The following MAGI2 variants were observed in gnomAD, a reference collection of about 807,000 sequenced individuals.
MAGI2 encodes the protein membrane-associated guanylate kinase, WW and PDZ domain-containing protein 2.
In MAGI2, 35 loss-of-function variants were observed where a neutral mutation model predicts 133.3. The ratio of observed to expected loss-of-function variants is 0.26; its 90% CI spans 0.20 to 0.35. MAGI2 has a LOEUF of 0.35. MAGI2 is among the 10% of genes least tolerant of loss of function. MAGI2 has a pLI of 1.00. For missense variants in MAGI2, 1,636 were observed against 1,863.4 expected (o/e 0.88, Z 2.25); for synonymous variants, 729 against 710.6 (o/e 1.03, Z -0.41).
chr7:78,939,335 T>C (rs1800790509), intron 2 of MAGI2, among the ~76,000 whole-genome samples: 1 of 152,182 alleles, frequency 6.6e-6, no homozygotes, highest in East Asian at 1.9e-4. Flanking sequence ...AAGTCTTCTT[T>C]GGAAGAGGTG....
chr7:78,682,182 C>T (rs1815744243), intron 2 of MAGI2, among the ~76,000 whole-genome samples: 1 of 152,024 alleles, frequency 6.6e-6, no homozygotes, highest in Non-Finnish European at 1.5e-5. Flanking sequence ...TCAAGATATA[C>T]ACAAAACTGT....
chr7:78,487,170 TG>T, intron 6 of MAGI2: 2 of 173,086 alleles, frequency 1.2e-5, no homozygotes, highest in East Asian at 3.4e-4. Flanking sequence ...TGCAGCAGGA[TG>T]GGGAAAAAAA....
Position 78,774,899 on chromosome 7 carries a change from T to C in MAGI2, c.419-147660A>G, listed in dbSNP as rs79636037. 3.3e-4 allele frequency among the ~76,000 whole-genome samples: 50 copies of C among 152,284 alleles called. 1 individual carries two copies. In the East Asian group the frequency reaches 9.1e-3, roughly 28 times the overall value. On this transcript the variant is annotated intron_variant, in intron 2 of 21. Coordinates refer to ENST00000354212, the MANE Select transcript of MAGI2 (RefSeq NM_012301.4). Reference sequence around the variant, plus strand: ...AAAAGTCACCGCAGAAGAATAAATATATTTTCATTTACTGCAGATGCTACA... The same window carrying C: ...AAAAGTCACCGCAGAAGAATAAATACATTTTCATTTACTGCAGATGCTACA...
At chr7:79,441,620 A>T (rs1455491625) in intron 1 of MAGI2, among the ~76,000 whole-genome samples, 2 of 152,136 alleles carry the variant, frequency 1.3e-5, no homozygotes, top group East Asian at 3.9e-4. Context: ...TATGTACTCC[A>T]TAATGAATCT....
intron 2 of MAGI2, among the ~76,000 whole-genome samples, chr7:78,805,821 A>G (rs1186153596): frequency 6.6e-6 from 1 of 152,144 alleles, no homozygotes; most frequent in Non-Finnish European, 1.5e-5. Context: ...GGAGGTCTCC[A>G]GCCAACAGCC....
In MAGI2 at chr7:79,350,697, T is replaced by C. The variant is rs923555512; in HGVS notation, c.301+102323A>G. On this transcript the variant is annotated intron_variant, in intron 1 of 21. Coordinates refer to ENST00000354212, the MANE Select transcript of MAGI2 (RefSeq NM_012301.4). ...AAATAAATTGACGGTAGAATTAAGT[T>C]TGAGGAAGATTCAAGGATATGGATT... Among the ~76,000 whole-genome samples the C allele has an allele frequency of 2.0e-5, 3 of 152,098 alleles. No individual in the cohort carries two copies. The South Asian group carries it at 6.2e-4, about 32-fold the overall frequency.
intron 16 of MAGI2, among the ~76,000 whole-genome samples, chr7:78,152,481 G>A (rs1265508365): frequency 6.6e-6 from 1 of 152,150 alleles, no homozygotes; most frequent in Non-Finnish European, 1.5e-5. Context: ...AGAAAGTGTG[G>A]TCTTTCTTGA....
chr7:78,326,689 C>T (rs550043306), intron 9 of MAGI2, among the ~76,000 whole-genome samples: 77 of 151,212 alleles, frequency 5.1e-4, no homozygotes, highest in African/African-American at 1.7e-3. Context: ...TTACCAATTA[C>T]TACTTTCATT....
chr7:79,081,657 G>A (rs1249071204), intron 1 of MAGI2, among the ~76,000 whole-genome samples: 1 of 152,116 alleles, frequency 6.6e-6, no homozygotes, highest in Non-Finnish European at 1.5e-5. Context: ...CAAGCTAAGA[G>A]TGCAATTAAC....
At chr7:79,094,101 T>C (rs747832106) in intron 1 of MAGI2, among the ~76,000 whole-genome samples, 2 of 152,234 alleles carry the variant, frequency 1.3e-5, no homozygotes, top group Non-Finnish European at 2.9e-5. Flanking sequence ...TGATGAAATT[T>C]GATAGTTCCC....
At chr7:78,655,137 T>A (rs1478172973) in intron 2 of MAGI2, among the ~76,000 whole-genome samples, 1 of 151,776 alleles carries the variant, frequency 6.6e-6, no homozygotes, top group Non-Finnish European at 1.5e-5. Flanking sequence ...AAATTAAAAA[T>A]TTTAAAAAGA....
At chr7:78,624,097 T>C (rs1808053361) in intron 3 of MAGI2, among the ~76,000 whole-genome samples, 1 of 152,172 alleles carries the variant, frequency 6.6e-6, no homozygotes, top group Non-Finnish European at 1.5e-5. Context: ...TTGAGTTTTT[T>C]TCATGTTTGT....
chr7:79,317,006 T>G (rs1345597819), intron 1 of MAGI2, among the ~76,000 whole-genome samples: 1 of 150,076 alleles, frequency 6.7e-6, no homozygotes, highest in South Asian at 2.1e-4. Context: ...GTAGGGTTTT[T>G]TTTTTTCTTT....
rs931277367 is a variant in MAGI2 at position 78,868,814 on chromosome 7, C to A, written c.418+138276G>T. Among the ~76,000 whole-genome samples the A allele has an allele frequency of 1.1e-4, 16 of 151,796 alleles. No homozygotes were observed. In the East Asian group the frequency reaches 3.1e-3, roughly 29 times the overall value. ...TGTCGCCCAGGCTGGAGTGCAGTGG[C>A]GAGATCTCGGCTTACTGCAAGCTCC... On this transcript the variant is annotated intron_variant, in intron 2 of 21. Transcript: ENST00000354212.
intron 6 of MAGI2, among the ~76,000 whole-genome samples, chr7:78,400,861 A>G (rs1222069077): frequency 6.6e-6 from 1 of 152,126 alleles, no homozygotes; most frequent in Non-Finnish European, 1.5e-5. Context: ...GTTTATGTAT[A>G]TTATTTCCTA....
intron 3 of MAGI2, among the ~76,000 whole-genome samples, chr7:78,598,666 G>T (rs1804871439): frequency 6.6e-6 from 1 of 152,184 alleles, no homozygotes; most frequent in Admixed American, 6.5e-5. Flanking sequence ...GGGAGGGGTT[G>T]CTTTGATTTG....
chr7:78,740,939 C>T (rs781243418), intron 2 of MAGI2, among the ~76,000 whole-genome samples: 5 of 152,028 alleles, frequency 3.3e-5, no homozygotes, highest in South Asian at 4.1e-4. Flanking sequence ...AGAATGATGC[C>T]GCCCAATTCA....
chr7:79,023,880 G>A (rs146878606), intron 1 of MAGI2, among the ~76,000 whole-genome samples: 9 of 152,148 alleles, frequency 5.9e-5, no homozygotes, highest in South Asian at 4.1e-4. Context: ...TGGACAGTAC[G>A]AATCAATATT....
chr7:78,131,493 C>T (rs577489920), intron 18 of MAGI2, among the ~76,000 whole-genome samples: 87 of 152,248 alleles, frequency 5.7e-4, no homozygotes, highest in Admixed American at 2.0e-3. Context: ...ACTTCATCTT[C>T]GCCATCATGG....
Sources: gnomAD v4.1 joint callset for allele counts (sites outside exome capture counted in the v4.1 genomes callset) on GRCh38, gnomAD v4.1.1 for gene constraint, MANE v1.5 for transcripts, NCBI Gene and HGNC (gene_info 2026-07-23, HGNC 2026-07-21) for gene names.